Variants in ITGB8 observed in about 807,000 individuals in gnomAD.
The protein encoded by ITGB8 is integrin beta-8.
In ITGB8, 30 loss-of-function variants were observed where a neutral mutation model predicts 89.5. The ratio of observed to expected loss-of-function variants is 0.34; its 90% CI spans 0.25 to 0.45. The LOEUF (loss-of-function observed/expected upper bound fraction) is 0.45. Ranked by LOEUF, ITGB8 falls within the 20% of genes least tolerant of loss-of-function variation. ITGB8 has a pLI of 1.00. For missense variants in ITGB8, 836 were observed against 933.3 expected, an observed-to-expected ratio of 0.90 and a Z score of 1.36; for synonymous variants, 335 against 320.4, an observed-to-expected ratio of 1.05 and a Z score of -0.49.
rs903420648 is a variant in ITGB8, at chr7:20,415,697, T to A, written c.*5700T>A. 4 of 152,566 alleles carry A rather than the reference T, an allele frequency of 2.6e-5. No individual in the cohort carries two copies. Among genetic ancestry groups the A allele is most frequent in the African/African-American group, 9.6e-5 (4 of 41,468 alleles). 9.5% of individuals were successfully genotyped at this position (152,566 alleles called of 1,614,324 possible). ...TTAATTAATGCATCATTCTGTTTAG[T>A]AGTAGGTGTTAATCAATATGAAATT... On this transcript the variant is annotated 3_prime_UTR_variant, in exon 14 of 14. Coordinates refer to ENST00000222573, the MANE Select transcript of ITGB8 (RefSeq NM_002214.3).
rs746100802 is a variant in ITGB8, at chr7:20,398,926, G to A, written c.1213G>A (p.Ala405Thr). 64 of 1,609,694 alleles carry A rather than the reference G, an allele frequency of 4.0e-5. 1 individual carries two copies. The highest frequency in any genetic ancestry group is 2.5e-4 in the Admixed American group (15 of 59,400). ...ACAAGGCATCTATTTTAACATTACCGCCATCTGTCCAGATGGGTCCAGAAA... is the reference window on the plus strand; with the variant it reads ...ACAAGGCATCTATTTTAACATTACCACCATCTGTCCAGATGGGTCCAGAAA... Reference protein sequence around the residue: ...QVQGIYFNITAICPDGSRKPG... With the variant: ...QVQGIYFNITTICPDGSRKPG... Residue 405 changes from alanine (A) to threonine (T), a missense_variant, in exon 9 of 14, where the codon GCC becomes ACC. By Grantham distance (58) the Ala-to-Thr change is moderately conservative. Coordinates refer to ENST00000222573, the MANE Select transcript of ITGB8 (RefSeq NM_002214.3).
chr7:20,398,983 A>G lies in ITGB8; in HGVS notation c.1270A>G (p.Ser424Gly), dbSNP rs975530704. Residue 424 changes from serine (S) to glycine (G), a missense_variant, in exon 9 of 14, where the codon AGC becomes GGC. By Grantham distance (56) the Ser-to-Gly change is moderately conservative. Around this residue, in one of 5 missense-constraint regions of ITGB8, gnomAD observed 422 missense variants for 416.9 expected, o/e 1.01. Transcript: ENST00000222573. ...PGMEGCRNVTSNDEVLFNVTV... is the reference protein window; with the variant it reads ...PGMEGCRNVTGNDEVLFNVTV... ...CATGGAAGGATGCAGAAACGTGACG[A>G]GCAATGATGAAGTATGTGGGTGTGC... 6 of 1,613,516 alleles carry G rather than the reference A, an allele frequency of 3.7e-6. No individual in the cohort carries two copies. Among genetic ancestry groups the G allele is most frequent in the Non-Finnish European group, 5.1e-6 (6 of 1,179,772 alleles).
rs67123203 is a variant in ITGB8 at position 20,370,600 on chromosome 7, TTTATTA to T, written c.388+3435_388+3440del. On this transcript the variant is annotated intron_variant, in intron 3 of 13. Coordinates refer to ENST00000222573, the MANE Select transcript of ITGB8 (RefSeq NM_002214.3). ...ACTACTTTATTTATTTATTTACTTATTTATTATTATTATTATTATTATTATTTTGAG... is the reference window on the plus strand; with the variant it reads ...ACTACTTTATTTATTTATTTACTTATTTATTATTATTATTATTATTTTGAG... Among the ~76,000 whole-genome samples, 311 of 144,410 alleles carry T rather than the reference TTTATTA, an allele frequency of 2.2e-3. 2 individuals carry two copies. Among genetic ancestry groups the T allele is most frequent in the African/African-American group, 7.3e-3 (286 of 38,994 alleles). 94.7% of individuals were successfully genotyped at this position (144,410 alleles called of 152,430 possible). A position where few individuals can be genotyped will look rare whatever the true frequency, so the allele number is the denominator to read the frequency against.
intron 12 of ITGB8, among the ~76,000 whole-genome samples, chr7:20,409,066 T>C (rs1483873989): frequency 2.6e-5 from 4 of 152,214 alleles, no homozygotes; most frequent in Non-Finnish European, 5.9e-5. Context: ...CACTTCAATT[T>C]CTGAAGAAAT....
intron 10 of ITGB8, among the ~76,000 whole-genome samples, chr7:20,402,911 T>C (rs1331548339): frequency 2.6e-5 from 4 of 152,252 alleles, no homozygotes; most frequent in African/African-American, 9.6e-5. Context: ...CTACCTGTCA[T>C]CTGAGTTCTG....
At position 20,413,835 on chromosome 7, in the gene ITGB8, A is replaced by G. The variant is rs1216410698; in HGVS notation, c.*3838A>G. ...TACATGGGAGCTCAATCATGTGCAG[A>G]TTGCATTCTGTTATGTTGACTCAAT... On this transcript the variant is annotated 3_prime_UTR_variant, in exon 14 of 14. Coordinates refer to ENST00000222573, the MANE Select transcript of ITGB8 (RefSeq NM_002214.3). 6.6e-6 allele frequency: 1 copy of G among 152,118 alleles called. No homozygotes were observed. The allele number at this position is 152,118 out of a possible 1,614,324, so 9.4% of individuals were successfully genotyped here.
rs769245814 is a variant in ITGB8 at position 20,409,767 on chromosome 7, G to C, written c.2176G>C (p.Ala726Pro). Residue 726 changes from alanine (A) to proline (P), a missense_variant, in exon 13 of 14, where the codon GCC becomes CCC. Transcript: ENST00000222573. ...GTCCTCATCAGATTACAGAGTGTCA[G>C]CCTCAAAAAAGGTCAGTGAATTCTA... ...IKSSSDYRVSASKKDKLILQS... is the reference protein window; with the variant it reads ...IKSSSDYRVSPSKKDKLILQS... The C allele has an allele frequency of 6.2e-7, 1 of 1,612,922 alleles. No homozygotes were observed. The highest frequency in any genetic ancestry group is 1.1e-5 in the South Asian group (1 of 90,780).
chr7:20,363,682 G>A lies in ITGB8; in HGVS notation c.173G>A (p.Cys58Tyr). ...TCAAATGCAGCATCCTGTGCCAGGT[G>A]CCTTGCGCTGGGTCCAGAATGTGGA... The part of the protein sequence containing the change: ...ASSNAASCAR[C>Y]LALGPECGWC... The change falls in exon 2 of 14, where the codon TGC becomes TAC. Residue 58 changes from cysteine to tyrosine, a missense_variant. Cys to Tyr is a radical substitution (Grantham distance 194). Transcript: ENST00000222573. The A allele has an allele frequency of 6.2e-7, 1 of 1,605,588 alleles. No homozygotes were observed. The highest frequency in any genetic ancestry group is 8.5e-7 in the Non-Finnish European group (1 of 1,177,496).
chr7:20,372,030 C>CT (rs201819477), intron 3 of ITGB8, among the ~76,000 whole-genome samples: 1 of 152,076 alleles, frequency 6.6e-6, no homozygotes, highest in African/African-American at 2.4e-5. Flanking sequence ...CTTCATCTCT[C>CT]TTTTTTTGTG....
intron 3 of ITGB8, among the ~76,000 whole-genome samples, chr7:20,376,548 G>A (rs1007492506): frequency 2.0e-5 from 3 of 152,162 alleles, no homozygotes; most frequent in Non-Finnish European, 4.4e-5. Context: ...CTGCCCCCAA[G>A]AGTCTTCTCC....
intron 6 of ITGB8, chr7:20,382,095 T>C (rs1786423075): frequency 4.6e-6 from 2 of 435,262 alleles, no homozygotes; most frequent in South Asian, 1.2e-4. Flanking sequence ...CAGTTTCTAG[T>C]AGCTGACTCT....
intron 1 of ITGB8, among the ~76,000 whole-genome samples, chr7:20,338,717 G>T (rs1013969553): frequency 1.3e-5 from 2 of 152,152 alleles, no homozygotes; most frequent in African/African-American, 4.8e-5. Flanking sequence ...AGGTAGTCTG[G>T]TAGTCTTGAC....
chr7:20,398,690 A>G (rs1177956379), intron 8 of ITGB8, among the ~76,000 whole-genome samples, 170 bp from the exon 9 acceptor site: 1 of 152,236 alleles, frequency 6.6e-6, no homozygotes, highest in East Asian at 1.9e-4. Context: ...TGTATTTCAA[A>G]TATAATTGGG....
chr7:20,383,981 T>C (rs907253449), intron 6 of ITGB8, among the ~76,000 whole-genome samples: 11 of 152,196 alleles, frequency 7.2e-5, no homozygotes, highest in Non-Finnish European at 1.3e-4. Context: ...AAAATTCTCA[T>C]TCCCTTCATT....
intron 1 of ITGB8, among the ~76,000 whole-genome samples, chr7:20,350,968 C>A (rs75796081): frequency 6.6e-6 from 1 of 152,094 alleles, no homozygotes; most frequent in South Asian, 2.1e-4. Flanking sequence ...GGCTTTCACG[C>A]GAAAACTCAG....
intron 10 of ITGB8, among the ~76,000 whole-genome samples, chr7:20,403,008 T>C (rs1787376258): frequency 6.6e-6 from 1 of 152,214 alleles, no homozygotes; most frequent in Non-Finnish European, 1.5e-5. Flanking sequence ...TAAATATTTG[T>C]TAAATTATTG....
intron 12 of ITGB8, 116 bp from the exon 13 acceptor site, chr7:20,409,499 G>A (rs41273830): frequency 1.5e-6 from 1 of 667,956 alleles, no homozygotes; most frequent in Middle Eastern, 4.4e-4. Flanking sequence ...TTTGAAAATG[G>A]AGATTTGCAA....
chr7:20,381,751 G>T lies in ITGB8; in HGVS notation c.826G>T (p.Ala276Ser). Residue 276 changes from alanine (A) to serine (S), a missense_variant, in exon 6 of 14, where the codon GCT becomes TCT. This residue lies in a region of ITGB8 where 192 missense variants were observed against 267.1 expected (regional missense o/e 0.72). Transcript: ENST00000222573. ...CESHIGWRKE[A>S]KRLLLVMTDQ... ...GAGTCATATCGGATGGCGAAAAGAG[G>T]CTAAAAGATTGCTGCTGGTGATGAC... 1.2e-6 allele frequency: 2 copies of T among 1,612,600 alleles called. No individual in the cohort carries two copies. The highest frequency in any genetic ancestry group is 1.1e-5 in the South Asian group (1 of 90,700).
chr7:20,331,746 G>T lies in ITGB8; in HGVS notation c.-61G>T. The T allele has an allele frequency of 6.5e-7, 1 of 1,544,764 alleles. No individual in the cohort carries two copies. The highest frequency in any genetic ancestry group is 8.7e-7 in the Non-Finnish European group (1 of 1,145,596). ...CGCGGGCCCCGAGGTGCGCCCGGGA[G>T]GCGCGAGCCCGCGTCCGGAAGGCAG... On this transcript the variant is annotated 5_prime_UTR_variant, in exon 1 of 14. In the 5' UTR this introduces an upstream ATG that the reference lacks. Transcript: ENST00000222573.
Sources: gnomAD v4.1 joint callset for allele counts (sites outside exome capture counted in the v4.1 genomes callset) on GRCh38, gnomAD v4.1.1 for gene constraint, gnomAD v4.1.1 regional missense constraint, MANE v1.5 for transcripts, NCBI Gene and HGNC (gene_info 2026-07-23, HGNC 2026-07-21) for gene names.